Variants in RAB38 observed in about 807,000 individuals in gnomAD.
RAB38 encodes ras-related protein Rab-38.
Under a neutral mutation model 18.4 loss-of-function variants are expected in RAB38, and 15 were observed. The observed-to-expected ratio is 0.82, with a 90% CI of 0.55 to 1.26. The LOEUF (loss-of-function observed/expected upper bound fraction) is 1.26, where lower values mean the gene tolerates loss of function less well. Ranked by LOEUF, RAB38 falls within the 50% of genes most tolerant of loss-of-function variation. RAB38 has a pLI of 0.00. For synonymous variants in RAB38, 101 were observed against 104.4 expected (o/e 0.97, Z 0.20); for missense variants, 294 against 267.4 (o/e 1.10, Z -0.69).
the RAB38 span, among the ~76,000 whole-genome samples, chr11:88,065,095 T>C: frequency 6.6e-6 from 1 of 152,188 alleles, no homozygotes; most frequent in African/African-American, 2.4e-5. Flanking sequence ...GGGCCAGCAT[T>C]TAACAGGCTT....
chr11:87,832,346 G>C, the RAB38 span, among the ~76,000 whole-genome samples: 2 of 152,148 alleles, frequency 1.3e-5, no homozygotes, highest in Non-Finnish European at 2.9e-5. Flanking sequence ...AATCCCACTA[G>C]TTTATTTCTC....
the RAB38 span, among the ~76,000 whole-genome samples, chr11:87,913,045 A>G: frequency 1.3e-5 from 2 of 151,788 alleles, no homozygotes; most frequent in Non-Finnish European, 2.9e-5. Flanking sequence ...GTTTCCAAAT[A>G]TTTGGGGATT....
the RAB38 span, among the ~76,000 whole-genome samples, chr11:87,866,859 G>A: frequency 6.6e-6 from 1 of 151,750 alleles, no homozygotes; most frequent in South Asian, 2.1e-4. Context: ...AAAGCTTCTG[G>A]CATGGGCTGG....
chr11:88,082,463 A>C, the RAB38 span, among the ~76,000 whole-genome samples: 1 of 151,936 alleles, frequency 6.6e-6, no homozygotes, highest in East Asian at 2.0e-4. Context: ...CAGGAGACAA[A>C]ACCACCCAGA....
At chr11:87,913,797 C>T in the RAB38 span, among the ~76,000 whole-genome samples, 1 of 152,122 alleles carries the variant, frequency 6.6e-6, no homozygotes, top group Non-Finnish European at 1.5e-5. Context: ...TATCTACTTC[C>T]CCTTGACTTT....
chr11:88,152,265 A>G (rs1390615344), intron 1 of RAB38, among the ~76,000 whole-genome samples: 1 of 152,192 alleles, frequency 6.6e-6, no homozygotes, highest in Admixed American at 6.5e-5. Flanking sequence ...GGGTTATTCA[A>G]TAATCTGCTT....
At chr11:87,893,982 T>C in the RAB38 span, among the ~76,000 whole-genome samples, 2 of 151,724 alleles carry the variant, frequency 1.3e-5, no homozygotes, top group Admixed American at 1.3e-4. Context: ...AGCGACTGCA[T>C]TGAACCTGCA....
the RAB38 span, among the ~76,000 whole-genome samples, chr11:87,841,416 G>A: frequency 2.6e-5 from 4 of 152,268 alleles, no homozygotes; most frequent in Non-Finnish European, 5.9e-5. Flanking sequence ...GACTTAGCAT[G>A]AGAATGGACT....
At chr11:87,909,619 AT>A in the RAB38 span, among the ~76,000 whole-genome samples, 1 of 152,080 alleles carries the variant, frequency 6.6e-6, no homozygotes, top group African/African-American at 2.4e-5. Flanking sequence ...ATGTTTCTCC[AT>A]GCCCCTTGTA....
the RAB38 span, among the ~76,000 whole-genome samples, chr11:88,044,673 T>C: frequency 1.3e-5 from 2 of 152,140 alleles, no homozygotes; most frequent in Non-Finnish European, 2.9e-5. Context: ...TTTTATACAT[T>C]GTTCCCTCTG....
chr11:87,976,614 A>G, the RAB38 span, among the ~76,000 whole-genome samples: 1 of 102,934 alleles, frequency 9.7e-6, no homozygotes, highest in African/African-American at 3.8e-5. Context: ...TACATATTTT[A>G]CATGATATAT....
chr11:88,021,563 A>AATTTATTTATTTATTT, the RAB38 span, among the ~76,000 whole-genome samples: 1 of 141,846 alleles, frequency 7.0e-6, no homozygotes, highest in African/African-American at 2.6e-5. Context: ...AGAGAAAGAT[A>AATTTATTTATTTATTT]ATTTATTTAT....
the RAB38 span, among the ~76,000 whole-genome samples, chr11:87,853,461 G>A: frequency 6.6e-6 from 1 of 152,182 alleles, no homozygotes; most frequent in Non-Finnish European, 1.5e-5. Context: ...GGAACTAAAT[G>A]TGCTGGCGCC....
chr11:87,913,715 T>C, the RAB38 span, among the ~76,000 whole-genome samples: 194 of 152,224 alleles, frequency 1.3e-3, no homozygotes, highest in African/African-American at 4.5e-3. Context: ...AATTCATTCT[T>C]GTGGGACTGA....
chr11:87,857,640 C>A, the RAB38 span, among the ~76,000 whole-genome samples: 8 of 151,868 alleles, frequency 5.3e-5, no homozygotes, highest in Admixed American at 5.3e-4. Context: ...TTTCATGTGT[C>A]TTTTGGCTGC....
chr11:87,878,822 A>T, the RAB38 span, among the ~76,000 whole-genome samples: 1 of 151,806 alleles, frequency 6.6e-6, no homozygotes, highest in South Asian at 2.1e-4. Context: ...TGGAGAGAAA[A>T]ATGTGACTTT....
the RAB38 span, among the ~76,000 whole-genome samples, chr11:87,881,401 C>A: frequency 6.6e-6 from 1 of 151,844 alleles, no homozygotes; most frequent in African/African-American, 2.4e-5. Context: ...CCTTTGTCTT[C>A]TCTTTTCTTT....
the RAB38 span, among the ~76,000 whole-genome samples, chr11:88,045,694 G>A: frequency 1.3e-5 from 2 of 152,158 alleles, no homozygotes; most frequent in Non-Finnish European, 2.9e-5. Context: ...GAAGCTTCCT[G>A]GACCATCACA....
chr11:87,819,744 ATATATACGTG>A, the RAB38 span, among the ~76,000 whole-genome samples: 10 of 132,520 alleles, frequency 7.5e-5, no homozygotes, highest in African/African-American at 2.7e-4. Flanking sequence ...GTGTATATAT[ATATATACGTG>A]TATGTATATA....
Sources: gnomAD v4.1 joint callset for allele counts (sites outside exome capture counted in the v4.1 genomes callset) on GRCh38, gnomAD v4.1.1 for gene constraint, MANE v1.5 for transcripts, NCBI Gene and HGNC (gene_info 2026-07-23, HGNC 2026-07-21) for gene names.